Variants in BRCA1 observed in about 807,000 individuals in gnomAD.
BRCA1 encodes BRCA1 DNA repair associated, also known as breast cancer type 1 susceptibility protein.
In BRCA1, 140 loss-of-function variants were observed where a neutral mutation model predicts 173.7. That is an observed-to-expected ratio of 0.81 (90% CI 0.70 to 0.93). BRCA1 has a LOEUF of 0.93. Among genes scored for constraint, BRCA1 ranks in the 40% least tolerant of loss-of-function variants. The probability of loss-of-function intolerance (pLI) is 0.00; values close to 1 mark genes in which losing one functional copy is unlikely to be tolerated. For synonymous variants in BRCA1, 662 were observed against 756.0 expected (o/e 0.88, Z 2.04); for missense variants, 1,983 against 2,172.5 (o/e 0.91, Z 1.73).
rs398122690 is a variant in BRCA1, at chr17:43,063,954, G to A, written c.5075-3C>T. 6.2e-7 allele frequency: 1 copy of A among 1,613,690 alleles called. No homozygotes were observed. Among genetic ancestry groups the A allele is most frequent in the Admixed American group, 1.7e-5 (1 of 59,996 alleles). On this transcript the variant is annotated splice_polypyrimidine_tract_variant and splice_region_variant and intron_variant, in intron 16 of 22. Transcript: ENST00000357654. ...CCGTTCACACACAAACTCAGCATCT[G>A]CAGAATGAAAAACACTCAAAGGATT...
intron 9 of BRCA1, 125 bp from the exon 10 acceptor site, chr17:43,094,985 C>T (rs2054074468): frequency 6.3e-6 from 5 of 796,580 alleles, no homozygotes; most frequent in African/African-American, 1.7e-5. Flanking sequence ...ACCTCATAAA[C>T]TACCAAGTAT....
At chr17:43,045,928 T>C (rs968935960) in intron 22 of BRCA1, 126 bp from the exon 23 acceptor site, 1 of 1,292,902 alleles carries the variant, frequency 7.7e-7, no homozygotes. Flanking sequence ...GCTAATTTTT[T>C]TTTTTTTTTT....
At chr17:43,139,668 T>G in intron 1 of BRCA1, 1 of 348,768 alleles carries the variant, frequency 2.9e-6, no homozygotes, top group Non-Finnish European at 5.6e-6. Flanking sequence ...CCCAGTAGTT[T>G]TTTTGGCTCC....
chr17:43,114,423 G>T (rs1709437), intron 3 of BRCA1, among the ~76,000 whole-genome samples: 1 of 139,256 alleles, frequency 7.2e-6, no homozygotes, highest in Non-Finnish European at 1.5e-5. Flanking sequence ...CCCTCTTGTC[G>T]CCCAGGCTGG....
chr17:43,066,812 C>CTTTTTTTTT (rs34253779), intron 16 of BRCA1, among the ~76,000 whole-genome samples: 1 of 112,272 alleles, frequency 8.9e-6, no homozygotes, highest in African/African-American at 4.3e-5. Context: ...CCCTCCAAAC[C>CTTTTTTTTT]TTTTTTTTTT....
intron 1 of BRCA1, chr17:43,164,559 T>C (rs1489897500): frequency 6.6e-6 from 1 of 152,190 alleles, no homozygotes; most frequent in African/African-American, 2.4e-5. Flanking sequence ...AGAAGAGTAA[T>C]AGAATAGATG....
rs1597891162 is a variant in BRCA1 at position 43,100,687 on chromosome 17, A to ATG, written c.442-808_442-807insCA. On this transcript the variant is annotated intron_variant, in intron 6 of 22. Transcript: ENST00000357654. ...ATATATATATATATATAATATATAT[A>ATG]TATATATATATATATGTAATCCCAG... Among the ~76,000 whole-genome samples the ATG allele has an allele frequency of 9.6e-5, 8 of 83,248 alleles. No homozygotes were observed. In the East Asian group the frequency reaches 1.9e-3, roughly 20 times the overall value. The allele number at this position is 83,248 out of a possible 152,430, so 54.6% of individuals were successfully genotyped here. A position where few individuals can be genotyped will look rare whatever the true frequency, so the allele number is the denominator to read the frequency against.
intron 12 of BRCA1, among the ~76,000 whole-genome samples, chr17:43,077,190 A>G (rs533281080): frequency 6.6e-6 from 1 of 152,190 alleles, no homozygotes; most frequent in East Asian, 1.9e-4. Flanking sequence ...AAACAAATAA[A>G]CCCCCTAAAC....
intron 19 of BRCA1, among the ~76,000 whole-genome samples, chr17:43,053,293 A>G (rs2051326767): frequency 2.0e-5 from 3 of 152,188 alleles, no homozygotes; most frequent in African/African-American, 7.2e-5. Context: ...GCTGACATGA[A>G]AAGTACAAAA....
At chr17:43,133,657 C>T (rs1250563949) in intron 1 of BRCA1, among the ~76,000 whole-genome samples, 1 of 136,096 alleles carries the variant, frequency 7.3e-6, no homozygotes, top group Non-Finnish European at 1.6e-5. Context: ...TTTTTTGAGA[C>T]AGGATCTCAC....
chr17:43,091,799 A>C lies in BRCA1; in HGVS notation c.3732T>G (p.His1244Gln). 1 of 1,614,206 alleles carries C rather than the reference A, an allele frequency of 6.2e-7. No homozygotes were observed. Among genetic ancestry groups the C allele is most frequent in the Non-Finnish European group, 8.5e-7 (1 of 1,180,024 alleles). The part of the protein sequence containing the change: ...VNNIPSQSTR[H>Q]STVATECLSK... ...ACAGACACTCGGTAGCAACGGTGCT[A>C]TGCCTAGTAGACTGAGAAGGTATAT... The change falls in exon 10 of 23, where the codon CAT (histidine) becomes CAG (glutamine). Residue 1244 changes from histidine to glutamine, a missense_variant. Physicochemically the swap from His to Gln is conservative, Grantham distance 24 (BLOSUM62 0). Transcript: ENST00000357654.
upstream of BRCA1, among the ~76,000 whole-genome samples, chr17:43,129,276 C>T (rs141055855): frequency 4.6e-3 from 708 of 152,286 alleles, 10 homozygotes; most frequent in African/African-American, 0.016. Flanking sequence ...AATTTTTTTA[C>T]ATGCCAGCCA....
Position 43,144,092 on chromosome 17 carries a change from G to A in BRCA1, c.-19-19977C>T, listed in dbSNP as rs932821836. 2.8e-4 allele frequency: 45 copies of A among 160,422 alleles called. 1 individual carries two copies. Among genetic ancestry groups the A allele is most frequent in the South Asian group, 2.3e-3 (16 of 7,026 alleles). 9.9% of individuals were successfully genotyped at this position (160,422 alleles called of 1,614,324 possible). A position where few individuals can be genotyped will look rare whatever the true frequency, so the allele number is the denominator to read the frequency against. On this transcript the variant is annotated intron_variant, in intron 1 of 7. Transcript: ENST00000634433. ...AAAGAAATTAGCTGGGCATGCTGGCGGGCGCCTGTAGTCCCACCTACTCGG... is the reference window on the plus strand; with the variant it reads ...AAAGAAATTAGCTGGGCATGCTGGCAGGCGCCTGTAGTCCCACCTACTCGG...
chr17:43,067,889 G>GGAA (rs1445686894), intron 15 of BRCA1, among the ~76,000 whole-genome samples, 194 bp from the exon 16 acceptor site: 1 of 7,394 alleles, frequency 1.4e-4, no homozygotes. Flanking sequence ...CAGGCTGGAG[G>GGAA]TAAAAAAAAA....
intron 20 of BRCA1, chr17:43,049,929 A>G: frequency 2.5e-6 from 1 of 395,416 alleles, no homozygotes; most frequent in Non-Finnish European, 4.5e-6. Flanking sequence ...ACTCACCCCC[A>G]AAATAATACT....
In BRCA1 at chr17:43,093,513, T is replaced by A. The variant is rs2154403692; in HGVS notation, c.2018A>T (p.Glu673Val). The part of the protein sequence containing the change: ...SRNLQLMEGK[E>V]PATGAKKSNK... ...ACTCTTCTTGGCTCCAGTTGCAGGT[T>A]CTTTACCTTCCATGAGTTGTAGGTT... Residue 673 changes from glutamate to valine, a missense_variant, in exon 10 of 23, where the codon GAA becomes GTA. Glu to Val is a moderately radical substitution (Grantham distance 121). Transcript: ENST00000357654. 6.2e-7 allele frequency: 1 copy of A among 1,614,042 alleles called. No individual in the cohort carries two copies. The highest frequency in any genetic ancestry group is 8.5e-7 in the Non-Finnish European group (1 of 1,179,980).
chr17:43,137,457 G>A (rs1466919214), intron 1 of BRCA1, among the ~76,000 whole-genome samples: 3 of 151,714 alleles, frequency 2.0e-5, no homozygotes, highest in Non-Finnish European at 4.4e-5. Flanking sequence ...GAATAAAAGA[G>A]GTCCCTTTTT....
chr17:43,062,977 G>A (rs746978998), intron 18 of BRCA1, among the ~76,000 whole-genome samples: 10 of 150,234 alleles, frequency 6.7e-5, no homozygotes, highest in South Asian at 2.1e-4. Flanking sequence ...TGCAACCCCC[G>A]CCTCCCAGGT....
At chr17:43,118,092 G>GA (rs1182319983) in intron 2 of BRCA1, among the ~76,000 whole-genome samples, 1 of 151,940 alleles carries the variant, frequency 6.6e-6, no homozygotes, top group Non-Finnish European at 1.5e-5. Context: ...TACATGGGGG[G>GA]AGTCAGGAAA....
Sources: allele counts gnomAD v4.1 joint callset (sites outside exome capture counted in the v4.1 genomes callset), GRCh38; gene constraint gnomAD v4.1.1; transcripts MANE v1.5; gene names NCBI Gene and HGNC (gene_info 2026-07-23, HGNC 2026-07-21).